Variants in MYOF observed in about 807,000 individuals in gnomAD.
MYOF encodes fer-1-like 3, myoferlin.
In MYOF, 244 loss-of-function variants were observed where a neutral mutation model predicts 284.2. That is an observed-to-expected ratio of 0.86 (90% CI 0.77 to 0.95). MYOF has a LOEUF of 0.95. Among genes scored for constraint, MYOF ranks in the 40% least tolerant of loss-of-function variants. The pLI is 0.00. For missense variants in MYOF, 2,496 were observed against 2,560.6 expected, an observed-to-expected ratio of 0.97 and a Z score of 0.54; for synonymous variants, 904 against 919.7, an observed-to-expected ratio of 0.98 and a Z score of 0.31.
intron 15 of MYOF, 30 bp from the exon 16 acceptor site, chr10:93,396,254 AAAAT>A (rs1187705677): frequency 1.4e-5 from 21 of 1,492,036 alleles, no homozygotes; most frequent in Non-Finnish European, 1.8e-5. Flanking sequence ...AAAAAAATAA[AAAAT>A]AAAAGGTTCA....
chr10:93,356,418 G>A lies in MYOF; in HGVS notation c.3294+257C>T, dbSNP rs548706905. 4.6e-5 allele frequency among the ~76,000 whole-genome samples: 7 copies of A among 152,314 alleles called. No individual in the cohort carries two copies. The East Asian group carries it at 1.3e-3, about 29-fold the overall frequency. ...CACCTGAAACAAGGGTCCTGGAACA[G>A]ATATATTTGGAAAACACTAGGTAAA... On this transcript the variant is annotated intron_variant, in intron 30 of 53. Transcript: ENST00000359263.
intron 38 of MYOF, among the ~76,000 whole-genome samples, chr10:93,340,935 C>T (rs965007094): frequency 6.6e-6 from 1 of 152,184 alleles, no homozygotes; most frequent in Non-Finnish European, 1.5e-5. Context: ...GAGATCCTAA[C>T]TTTATGTTCA....
intron 38 of MYOF, among the ~76,000 whole-genome samples, chr10:93,343,051 GA>G (rs1656646190): frequency 7.4e-6 from 1 of 134,626 alleles, no homozygotes; most frequent in African/African-American, 2.5e-5. Context: ...GATGGAAGTA[GA>G]TTTTTTTTTT....
At chr10:93,384,515 G>A (rs373450326) in intron 19 of MYOF, among the ~76,000 whole-genome samples, 1 of 151,894 alleles carries the variant, frequency 6.6e-6, no homozygotes, top group Non-Finnish European at 1.5e-5. Context: ...ATGGTGAGAG[G>A]TGCCTGTAAT....
At chr10:93,445,610 G>T (rs761240321) in intron 3 of MYOF, among the ~76,000 whole-genome samples, 20 of 152,210 alleles carry the variant, frequency 1.3e-4, no homozygotes, top group Non-Finnish European at 2.9e-4. Flanking sequence ...AAGGCAACCC[G>T]CTCCCAGTGC....
chr10:93,334,987 G>T (rs1382151147), intron 41 of MYOF, among the ~76,000 whole-genome samples: 1 of 152,210 alleles, frequency 6.6e-6, no homozygotes, highest in Admixed American at 6.5e-5. Flanking sequence ...GCCAAGCGTG[G>T]TTGCAGGGAG....
At chr10:93,419,286 C>T (rs1235602703) in intron 5 of MYOF, among the ~76,000 whole-genome samples, 7 of 152,156 alleles carry the variant, frequency 4.6e-5, no homozygotes, top group Admixed American at 3.3e-4. Flanking sequence ...TCTCAGCCTC[C>T]AGAGTAGCTG....
rs558040961 is a variant in MYOF at position 93,370,858 on chromosome 10, G to A, written c.2458-1082C>T. ...ACATGGTTATTCCAATTTGAGTATG[G>A]GGCAAGGATTTTTTTTTTAAACATA... On this transcript the variant is annotated intron_variant, in intron 24 of 53. Coordinates refer to ENST00000359263, the MANE Select transcript of MYOF (RefSeq NM_013451.4). Among the ~76,000 whole-genome samples the A allele has an allele frequency of 1.3e-4, 18 of 136,368 alleles. No individual in the cohort carries two copies. The South Asian group carries it at 5.2e-3, about 39-fold the overall frequency. The allele number at this position is 136,368 out of a possible 152,430, so 89.5% of individuals were successfully genotyped here.
At chr10:93,481,987 A>G (rs900745152) in intron 1 of MYOF, 120 bp downstream of exon 1, 141 of 952,294 alleles carry the variant, frequency 1.5e-4, no homozygotes, top group Admixed American at 2.2e-4. Flanking sequence ...CGCAGGTAAC[A>G]AACGCTGCTG....
intron 24 of MYOF, among the ~76,000 whole-genome samples, chr10:93,372,073 G>C (rs1042976529): frequency 6.6e-6 from 1 of 152,182 alleles, no homozygotes; most frequent in East Asian, 1.9e-4. Context: ...CCTGATTAAA[G>C]AGCAATGAGT....
At chr10:93,372,866 A>T (rs1845652973) in intron 24 of MYOF, 64 bp downstream of exon 24, 1 of 1,573,370 alleles carries the variant, frequency 6.4e-7, no homozygotes, top group African/African-American at 1.3e-5. Flanking sequence ...TATAAAGCAG[A>T]CCCTTCTCAG....
intron 17 of MYOF, among the ~76,000 whole-genome samples, chr10:93,390,651 C>T (rs1464730): frequency 1.3e-5 from 2 of 152,012 alleles, no homozygotes; most frequent in African/African-American, 2.4e-5. Flanking sequence ...ATTGCAAAGA[C>T]GATTAATTGA....
intron 27 of MYOF, among the ~76,000 whole-genome samples, chr10:93,361,765 T>C (rs1469450194): frequency 2.0e-5 from 3 of 152,244 alleles, no homozygotes; most frequent in Non-Finnish European, 4.4e-5. Flanking sequence ...CTTTTGTTTT[T>C]ACTATTAGGG....
chr10:93,319,398 T>G (rs1251571654), intron 49 of MYOF, among the ~76,000 whole-genome samples: 1 of 152,168 alleles, frequency 6.6e-6, no homozygotes, highest in Non-Finnish European at 1.5e-5. Context: ...GTTCTGTAAC[T>G]GAAAGTCTAA....
chr10:93,355,644 A>G lies in MYOF; in HGVS notation c.3387T>C (p.Val1129=). 2 of 1,606,858 alleles carry G rather than the reference A, an allele frequency of 1.2e-6. No individual in the cohort carries two copies. Among genetic ancestry groups the G allele is most frequent in the Non-Finnish European group, 1.7e-6 (2 of 1,175,672 alleles). ...AAAACTCACTGTCAAAATTGCAGGA[A>G]ACAATGGGGGTGTTTGCTCCGAACA... is the stretch of plus-strand genomic sequence containing the variant. ...TTVFGANTPI[V]SCNFDRVYIY... The change falls in exon 31 of 54, where the codon GTT becomes GTC. Residue 1129 remains valine, a synonymous_variant. Coordinates refer to ENST00000359263, the MANE Select transcript of MYOF (RefSeq NM_013451.4).
At chr10:93,424,798 C>T (rs1848507657) in intron 5 of MYOF, among the ~76,000 whole-genome samples, 1 of 152,046 alleles carries the variant, frequency 6.6e-6, no homozygotes, top group African/African-American at 2.4e-5. Flanking sequence ...GAGGGTGCTG[C>T]TGCAGGTGTA....
chr10:93,340,171 G>C lies in MYOF; in HGVS notation c.4327-7C>G, dbSNP rs1054274744. The stretch of plus-strand genomic sequence containing the variant: ...TAGTTACCTTTTCTGTCAGCTGCTC[G>C]TGCACATGTCCCGTGAGGAAGAGGG... On this transcript the variant is annotated splice_polypyrimidine_tract_variant and splice_region_variant and intron_variant, in intron 38 of 53. Transcript: ENST00000359263. 2 of 1,613,828 alleles carry C rather than the reference G, an allele frequency of 1.2e-6. No homozygotes were observed. Among genetic ancestry groups the C allele is most frequent in the Non-Finnish European group, 1.7e-6 (2 of 1,179,910 alleles).
At chr10:93,372,909 T>C (rs781611643) in intron 24 of MYOF, 21 bp downstream of exon 24, 1 of 1,613,830 alleles carries the variant, frequency 6.2e-7, no homozygotes, top group Admixed American at 1.7e-5. Context: ...GTGTTTCACA[T>C]GACACAGTGA....
At chr10:93,429,806 A>C (rs57131186) in intron 4 of MYOF, among the ~76,000 whole-genome samples, 3 of 152,122 alleles carry the variant, frequency 2.0e-5, no homozygotes, top group Non-Finnish European at 4.4e-5. Context: ...CAGTATCTTT[A>C]TGAGTGCTTC....
Sources: allele counts gnomAD v4.1 joint callset (sites outside exome capture counted in the v4.1 genomes callset), GRCh38; gene constraint gnomAD v4.1.1; transcripts MANE v1.5; gene names NCBI Gene and HGNC (gene_info 2026-07-23, HGNC 2026-07-21).